PRKN: variants seen among roughly 807,000 people sequenced by gnomAD.
PRKN encodes parkin RBR E3 ubiquitin protein ligase, also known as E3 ubiquitin-protein ligase parkin.
A neutral mutation model predicts 59.5 loss-of-function variants in PRKN; 56 were observed. The ratio of observed to expected loss-of-function variants is 0.94; its 90% CI spans 0.76 to 1.18. The LOEUF (loss-of-function observed/expected upper bound fraction) is 1.18. PRKN is among the 50% of genes most tolerant of loss of function. The pLI is 0.00. For synonymous variants in PRKN, 250 were observed against 222.1 expected (o/e 1.13, Z -1.12); for missense variants, 657 against 596.4 (o/e 1.10, Z -1.06).
At chr6:161,537,902 C>T (rs765514973) in intron 9 of PRKN, among the ~76,000 whole-genome samples, 2 of 152,186 alleles carry the variant, frequency 1.3e-5, no homozygotes, top group Non-Finnish European at 2.9e-5. Context: ...AAATTACAGC[C>T]CTGCCAGTTT....
intron 4 of PRKN, among the ~76,000 whole-genome samples, chr6:162,193,295 A>G (rs1212647117): frequency 6.6e-6 from 1 of 152,244 alleles, no homozygotes; most frequent in African/African-American, 2.4e-5. Context: ...CAGAAGAGTA[A>G]CAACGAATTG....
intron 1 of PRKN, chr6:162,727,391 CG>C: frequency 2.1e-6 from 1 of 468,758 alleles, no homozygotes; most frequent in South Asian, 3.2e-5. Flanking sequence ...AGCGGGGGTG[CG>C]GGGCCGCCTG....
At chr6:162,709,447 T>C (rs1778449518) in intron 1 of PRKN, among the ~76,000 whole-genome samples, 1 of 151,526 alleles carries the variant, frequency 6.6e-6, no homozygotes, top group African/African-American at 2.4e-5. Flanking sequence ...AGGCAACCTC[T>C]CCCCTTGGAC....
intron 7 of PRKN, among the ~76,000 whole-genome samples, chr6:161,759,387 A>AGGTGTTTTT (rs1789094634): frequency 6.6e-6 from 1 of 152,116 alleles, no homozygotes; most frequent in Non-Finnish European, 1.5e-5. Flanking sequence ...CTGTAAATTT[A>AGGTGTTTTT]AAGGTGTTTT....
chr6:161,763,510 G>A (rs182779052), intron 7 of PRKN, among the ~76,000 whole-genome samples: 3 of 152,156 alleles, frequency 2.0e-5, no homozygotes, highest in East Asian at 3.9e-4. Flanking sequence ...GACGAAGAGC[G>A]GAGCAGTGTT....
Position 162,375,742 on chromosome 6 carries a change from T to TACACACAC in PRKN, c.171+67560_171+67567dup, listed in dbSNP as rs60180187. On this transcript the variant is annotated intron_variant, in intron 2 of 11. Coordinates refer to ENST00000366898, the MANE Select transcript of PRKN (RefSeq NM_004562.3). ...CCAATCTGATACAAATATGGCTTTG[T>TACACACAC]ACACACACACACACACACACACAAA... 7.5e-3 allele frequency among the ~76,000 whole-genome samples: 1,120 copies of TACACACAC among 149,098 alleles called. 16 individuals carry two copies. The highest frequency in any genetic ancestry group is 0.024 in the African/African-American group (960 of 40,654).
intron 5 of PRKN, among the ~76,000 whole-genome samples, chr6:161,984,719 T>C (rs1181103424): frequency 1.3e-5 from 2 of 152,198 alleles, no homozygotes; most frequent in African/African-American, 4.8e-5. Flanking sequence ...CACTGGGGAA[T>C]TTTTCAGAGC....
intron 2 of PRKN, among the ~76,000 whole-genome samples, chr6:162,296,215 C>T (rs1385502271): frequency 1.4e-5 from 2 of 142,298 alleles, no homozygotes; most frequent in East Asian, 2.2e-4. Context: ...GTGCCCATCC[C>T]CCCACCCCCT....
chr6:161,773,690 A>G lies in PRKN; in HGVS notation c.871+12082T>C, dbSNP rs76490202. Among the ~76,000 whole-genome samples the G allele has an allele frequency of 3.9e-3, 590 of 152,342 alleles. 2 individuals carry two copies. The highest frequency in any genetic ancestry group is 0.014 in the African/African-American group (566 of 41,576). ...TTTGCCCTCATAAAACAAAGGTAGA[A>G]TGTGCTTTTTAAGAGTTTTTGGCAG... On this transcript the variant is annotated intron_variant, in intron 7 of 11. Coordinates refer to ENST00000366898, the MANE Select transcript of PRKN (RefSeq NM_004562.3).
chr6:162,284,215 C>CTTTTT lies in PRKN; in HGVS notation c.172-21455_172-21451dup, dbSNP rs35609309. On this transcript the variant is annotated intron_variant, in intron 2 of 11. Transcript: ENST00000366898. ...TATTTATGTATTGTGTTATTTCTTT[C>CTTTTT]TTTTTTTTTTTTTTTTTTTTTTTTT... 0.014 allele frequency among the ~76,000 whole-genome samples: 1,067 copies of CTTTTT among 75,574 alleles called. 124 individuals carry two copies. In the East Asian group the frequency reaches 0.18, roughly 13 times the overall value. The allele number at this position is 75,574 out of a possible 152,430, so 49.6% of individuals were successfully genotyped here.
intron 1 of PRKN, among the ~76,000 whole-genome samples, chr6:162,632,121 A>G (rs565694341): frequency 6.6e-6 from 1 of 152,222 alleles, no homozygotes; most frequent in South Asian, 2.1e-4. Flanking sequence ...AACTTAAAAC[A>G]GAGCTATCAT....
chr6:162,527,444 A>C (rs1442767193), intron 1 of PRKN, among the ~76,000 whole-genome samples: 2 of 152,216 alleles, frequency 1.3e-5, no homozygotes, highest in African/African-American at 4.8e-5. Flanking sequence ...TGAATAAAAA[A>C]TTATCTAAGT....
chr6:162,428,359 G>A (rs1789344519), intron 2 of PRKN, among the ~76,000 whole-genome samples: 1 of 151,998 alleles, frequency 6.6e-6, no homozygotes, highest in Non-Finnish European at 1.5e-5. Flanking sequence ...TATATTATTT[G>A]GTAGCACTAG....
At chr6:162,658,864 AG>A (rs1285509965) in intron 1 of PRKN, among the ~76,000 whole-genome samples, 1 of 152,122 alleles carries the variant, frequency 6.6e-6, no homozygotes, top group Non-Finnish European at 1.5e-5. Flanking sequence ...AAGATATTTA[AG>A]AAGGATTTTT....
chr6:161,936,131 A>G (rs1779347023), intron 6 of PRKN, among the ~76,000 whole-genome samples: 1 of 152,178 alleles, frequency 6.6e-6, no homozygotes, highest in Non-Finnish European at 1.5e-5. Context: ...ACAAAGCACA[A>G]CCAAAGCAAT....
intron 1 of PRKN, among the ~76,000 whole-genome samples, chr6:162,704,629 A>C (rs1778274076): frequency 6.6e-6 from 1 of 152,226 alleles, no homozygotes; most frequent in African/African-American, 2.4e-5. Context: ...AAGAAATTTT[A>C]GTTAATGTTA....
At chr6:162,551,594 C>T (rs1459227994) in intron 1 of PRKN, among the ~76,000 whole-genome samples, 1 of 152,108 alleles carries the variant, frequency 6.6e-6, no homozygotes. Context: ...TAAAAACATA[C>T]ACAACTCCTA....
chr6:162,499,102 G>GT (rs780237832), intron 1 of PRKN, among the ~76,000 whole-genome samples: 1 of 152,128 alleles, frequency 6.6e-6, no homozygotes, highest in Non-Finnish European at 1.5e-5. Flanking sequence ...TGCGGGATAC[G>GT]TAAGTTCTTT....
intron 7 of PRKN, among the ~76,000 whole-genome samples, chr6:161,689,017 G>C (rs1163819015): frequency 6.6e-6 from 1 of 152,148 alleles, no homozygotes; most frequent in Non-Finnish European, 1.5e-5. Context: ...ATTTCTTTGA[G>C]TGCAAAGCCT....
Sources: allele counts gnomAD v4.1 joint callset (sites outside exome capture counted in the v4.1 genomes callset), GRCh38; gene constraint gnomAD v4.1.1; transcripts MANE v1.5; gene names NCBI Gene and HGNC (gene_info 2026-07-23, HGNC 2026-07-21).